The following DST variants were observed in gnomAD, a reference collection of about 807,000 sequenced individuals.
The protein encoded by DST is bullous pemphigoid antigen.
In DST, 253 loss-of-function variants were observed where a neutral mutation model predicts 875.2. The ratio of observed to expected loss-of-function variants is 0.29; its 90% CI spans 0.26 to 0.32. The LOEUF is 0.32. Among genes scored for constraint, DST ranks in the 10% least tolerant of loss-of-function variants. The pLI is 1.00. For missense variants in DST, 8,287 were observed against 9,111.6 expected, an observed-to-expected ratio of 0.91 and a Z score of 3.68; for synonymous variants, 3,124 against 3,197.1, an observed-to-expected ratio of 0.98 and a Z score of 0.77.
In DST at chr6:56,572,961, A is replaced by G. The variant is rs375075676; in HGVS notation, c.13340T>C (p.Leu4447Pro). The change falls in exon 52 of 104, where the codon CTG becomes CCG. Residue 4447 changes from leucine to proline, a missense_variant. Leu to Pro is a moderately conservative substitution (Grantham distance 98, BLOSUM62 -3). Around this residue, in one of 10 missense-constraint regions of DST, gnomAD observed 1,513 missense variants for 1,677.8 expected, o/e 0.90. Coordinates refer to ENST00000680361, the MANE Select transcript of DST (RefSeq NM_001374736.1). ...AGACAAGTCTTTCATTTTGGCTTGC[A>G]GTGAGGATGCAGTGGATGGATCTGT... ...ETTDPSTASS[L>P]QAKMKDLSAR... The G allele has an allele frequency of 6.2e-7, 1 of 1,612,548 alleles. No individual in the cohort carries two copies. Among genetic ancestry groups the G allele is most frequent in the Non-Finnish European group, 8.5e-7 (1 of 1,179,316 alleles).
chr6:56,463,022 C>A (rs780288601), intron 102 of DST, 24 bp downstream of exon 102: 1 of 1,387,910 alleles, frequency 7.2e-7, no homozygotes, highest in South Asian at 1.2e-5. Context: ...AATGTTAAGA[C>A]TGGACTCTGG....
At chr6:56,469,347 C>T (rs1383321324) in intron 97 of DST, among the ~76,000 whole-genome samples, 1 of 148,584 alleles carries the variant, frequency 6.7e-6, no homozygotes, top group Non-Finnish European at 1.5e-5. Flanking sequence ...AAGAGATGTT[C>T]CAAAAGAGAA....
rs564253767 is a variant in DST, at chr6:56,784,954, C to T, written c.626-49665G>A. ...AGTTTTCCTTCTAACAGACAGGACC[C>T]TCAGCTGCAGGTCTGTTGGAATTTG... On this transcript the variant is annotated intron_variant, in intron 4 of 103. Coordinates refer to ENST00000680361, the MANE Select transcript of DST (RefSeq NM_001374736.1). 1.1e-4 allele frequency among the ~76,000 whole-genome samples: 17 copies of T among 152,274 alleles called. 1 individual carries two copies. The South Asian group carries it at 2.9e-3, about 26-fold the overall frequency.
rs762678332 is a variant in DST at position 56,607,598 on chromosome 6, T to C, written c.7030A>G (p.Ile2344Val). 1.2e-6 allele frequency: 2 copies of C among 1,613,114 alleles called. No homozygotes were observed. The highest frequency in any genetic ancestry group is 1.7e-6 in the Non-Finnish European group (2 of 1,179,518). Residue 2344 changes from isoleucine to valine, a missense_variant, in exon 40 of 104, where the codon ATA becomes GTA. Ile to Val is a conservative substitution (Grantham distance 29). Around this residue, in one of 10 missense-constraint regions of DST, gnomAD observed 3,138 missense variants for 3,116.6 expected, o/e 1.01. Transcript: ENST00000680361. ...SSPSVCVPSL[I>V]SYLTQTELAD... ...AGTTCAGTCTGTGTTAAATATGATATGAGACTGGGAACACACACACTGGGT... is the reference window on the plus strand; with the variant it reads ...AGTTCAGTCTGTGTTAAATATGATACGAGACTGGGAACACACACACTGGGT...
chr6:56,477,341 T>C lies in DST; in HGVS notation c.21675+4A>G, dbSNP rs2095243185. The C allele has an allele frequency of 6.2e-7, 1 of 1,613,522 alleles. No homozygotes were observed. The highest frequency in any genetic ancestry group is 8.5e-7 in the Non-Finnish European group (1 of 1,179,686). Reference sequence around the variant, plus strand: ...ACTCTGAAGATTATCTGAGACACACTGACCTCCTCAAACCTCGCCCGGATG... The same window carrying C: ...ACTCTGAAGATTATCTGAGACACACCGACCTCCTCAAACCTCGCCCGGATG... On this transcript the variant is annotated splice_donor_region_variant and intron_variant, in intron 91 of 103. Transcript: ENST00000680361.
intron 4 of DST, among the ~76,000 whole-genome samples, chr6:56,755,083 T>C (rs1247489997): frequency 6.7e-6 from 1 of 150,288 alleles, no homozygotes; most frequent in Non-Finnish European, 1.5e-5. Flanking sequence ...AAAACATATA[T>C]AAAGTATATA....
At position 56,546,378 on chromosome 6, in the gene DST, AT is replaced by A. The variant is rs1562695639; in HGVS notation, c.16608+5805del. Among the ~76,000 whole-genome samples the A allele has an allele frequency of 4.1e-3, 561 of 135,988 alleles. 22 individuals carry two copies. The East Asian group carries it at 0.084, about 20-fold the overall frequency. 89.2% of individuals were successfully genotyped at this position (135,988 alleles called of 152,430 possible). A position where few individuals can be genotyped will look rare whatever the true frequency, so the allele number is the denominator to read the frequency against. On this transcript the variant is annotated intron_variant, in intron 61 of 103. Coordinates refer to ENST00000680361, the MANE Select transcript of DST (RefSeq NM_001374736.1). ...TATATATATATATATATATATATAT[AT>A]ATATATATATAAATGTCAAAAAGTT...
Position 56,568,526 on chromosome 6 carries a change from A to C in DST, c.13948T>G (p.Cys4650Gly), listed in dbSNP as rs1466962028. 3 of 1,612,956 alleles carry C rather than the reference A, an allele frequency of 1.9e-6. No individual in the cohort carries two copies. Among genetic ancestry groups the C allele is most frequent in the Non-Finnish European group, 2.5e-6 (3 of 1,179,432 alleles). ...GTGGTCACAGCACTTATTAAGTTAC[A>C]TAGTGAGATCCCACTGTTGTTTACT... Reference protein sequence around the residue: ...QKVNNSGISLCNLISAVTTPA... With the variant: ...QKVNNSGISLGNLISAVTTPA... Residue 4650 changes from cysteine (C) to glycine (G), a missense_variant, in exon 55 of 104, where the codon TGT becomes GGT. This residue lies in a region of DST where 1,513 missense variants were observed against 1,677.8 expected (regional missense o/e 0.90). Transcript: ENST00000680361.
chr6:56,582,212 G>C lies in DST; in HGVS notation c.12904-3275C>G, dbSNP rs1331865113. Among the ~76,000 whole-genome samples, 3 of 152,086 alleles carry C rather than the reference G, an allele frequency of 2.0e-5. No individual in the cohort carries two copies. In the South Asian group the frequency reaches 6.2e-4, roughly 32 times the overall value. On this transcript the variant is annotated intron_variant, in intron 49 of 103. Coordinates refer to ENST00000680361, the MANE Select transcript of DST (RefSeq NM_001374736.1). ...CACATATCACCCCTGATATAGTTTG[G>C]ATATTTGTCCCCGCCCAAATCTCAC...
At chr6:56,562,224 T>G (rs2097545912) in intron 55 of DST, 24 bp from the exon 56 acceptor site, 6 of 1,482,840 alleles carry the variant, frequency 4.0e-6, no homozygotes, top group African/African-American at 1.4e-5. Flanking sequence ...AACACTAAAA[T>G]AATCACAGTT....
At chr6:56,724,778 T>C (rs2099440967) in intron 5 of DST, among the ~76,000 whole-genome samples, 1 of 152,200 alleles carries the variant, frequency 6.6e-6, no homozygotes, top group South Asian at 2.1e-4. Context: ...ACTGTAATAC[T>C]ATTATAAAAC....
intron 49 of DST, among the ~76,000 whole-genome samples, chr6:56,588,355 C>A (rs955000665): frequency 6.6e-6 from 1 of 152,196 alleles, no homozygotes. Context: ...CAACCTACCC[C>A]CGCCATCCTG....
chr6:56,704,400 T>G, intron 5 of DST, 31 bp from the exon 6 acceptor site: 1 of 1,038,764 alleles, frequency 9.6e-7, no homozygotes, highest in Non-Finnish European at 1.4e-6. Flanking sequence ...TTTGGGGTCC[T>G]AGAACTCAGA....
In DST at chr6:56,561,560, G is replaced by GA; in HGVS notation, c.14069-12dup. 1.2e-6 allele frequency: 2 copies of GA among 1,603,582 alleles called. No homozygotes were observed. Among genetic ancestry groups the GA allele is most frequent in the African/African-American group, 2.7e-5 (2 of 74,376 alleles). The stretch of plus-strand genomic sequence containing the variant: ...TAATGGATGTTAAACCTAGGAGTAA[G>GA]AAAAACAACTATACTGACACATTTT... On this transcript the variant is annotated splice_polypyrimidine_tract_variant and intron_variant, in intron 56 of 103. Transcript: ENST00000680361.
intron 5 of DST, among the ~76,000 whole-genome samples, chr6:56,711,011 G>T (rs992314087): frequency 1.3e-5 from 2 of 149,266 alleles, no homozygotes; most frequent in African/African-American, 2.4e-5. Context: ...ATAATAGAGA[G>T]TTTTTTTTTT....
intron 64 of DST, among the ~76,000 whole-genome samples, chr6:56,530,630 T>C (rs1161928012): frequency 6.6e-6 from 1 of 152,226 alleles, no homozygotes; most frequent in East Asian, 1.9e-4. Flanking sequence ...GAATTAATAG[T>C]GATTCCTATT....
At chr6:56,649,889 G>GA (rs1376882633) in intron 12 of DST, among the ~76,000 whole-genome samples, 2 of 152,136 alleles carry the variant, frequency 1.3e-5, no homozygotes, top group Non-Finnish European at 2.9e-5. Context: ...AAAGCTGTAG[G>GA]AAAGCTATCG....
chr6:56,938,108 C>CTCTCTCTCTCTCTCTCTCTCTATA (rs1383243392), intron 2 of DST, among the ~76,000 whole-genome samples: 6 of 120,726 alleles, frequency 5.0e-5, no homozygotes, highest in Admixed American at 1.6e-4. Context: ...CTCTCTCTCT[C>CTCTCTCTCTCTCTCTCTCTCTATA]TATATATATA....
At chr6:56,718,174 A>G (rs1192172310) in intron 5 of DST, among the ~76,000 whole-genome samples, 1 of 152,196 alleles carries the variant, frequency 6.6e-6, no homozygotes, top group Non-Finnish European at 1.5e-5. Context: ...GCAATGAGCT[A>G]TGATCATGCC....
Sources: allele counts gnomAD v4.1 joint callset (sites outside exome capture counted in the v4.1 genomes callset), GRCh38; gene constraint gnomAD v4.1.1; regional missense constraint gnomAD v4.1.1; transcripts MANE v1.5; gene names NCBI Gene and HGNC (gene_info 2026-07-23, HGNC 2026-07-21).